Variants in DIAPH3 observed in about 807,000 individuals in gnomAD.
DIAPH3 encodes the protein diaphanous related formin 3.
DIAPH3 carries 117 observed loss-of-function variants against 144.3 expected under a neutral mutation model. The ratio of observed to expected loss-of-function variants is 0.81; its 90% confidence interval spans 0.70 to 0.95. The LOEUF (loss-of-function observed/expected upper bound fraction) is 0.95. Among genes scored for constraint, DIAPH3 ranks in the 40% least tolerant of loss-of-function variants. DIAPH3 has a pLI of 0.00. For synonymous variants in DIAPH3, 519 were observed against 488.9 expected, an observed-to-expected ratio of 1.06 and a Z score of -0.81; for missense variants, 1,421 against 1,412.7, an observed-to-expected ratio of 1.01 and a Z score of -0.09.
chr13:59,720,423 A>T (rs1566219855), intron 27 of DIAPH3, among the ~76,000 whole-genome samples: 5 of 152,150 alleles, frequency 3.3e-5, no homozygotes, highest in South Asian at 4.1e-4. Flanking sequence ...TTAAATGAAA[A>T]TTTTTTTATT....
At chr13:59,867,908 T>A (rs762696501) in intron 21 of DIAPH3, among the ~76,000 whole-genome samples, 2 of 152,030 alleles carry the variant, frequency 1.3e-5, no homozygotes, top group Admixed American at 1.3e-4. Flanking sequence ...ATGATTAGAA[T>A]ACAAATATAT....
intron 27 of DIAPH3, among the ~76,000 whole-genome samples, chr13:59,747,703 A>G (rs1227530785): frequency 6.6e-6 from 1 of 151,872 alleles, no homozygotes; most frequent in Non-Finnish European, 1.5e-5. Context: ...CTATAGAGGC[A>G]CTCTCTCCTC....
At chr13:59,764,686 G>A (rs1192808277) in intron 27 of DIAPH3, among the ~76,000 whole-genome samples, 1 of 150,672 alleles carries the variant, frequency 6.6e-6, no homozygotes, top group African/African-American at 2.5e-5. Flanking sequence ...ATGTGATGAT[G>A]GAGACATACA....
intron 15 of DIAPH3, among the ~76,000 whole-genome samples, chr13:59,972,243 C>G (rs755414330): frequency 8.8e-4 from 134 of 152,198 alleles, no homozygotes; most frequent in Non-Finnish European, 1.7e-3. Context: ...GAATCAAATG[C>G]CACAGAGAAG....
In DIAPH3 at chr13:60,042,541, A is replaced by G. The variant is rs959860028; in HGVS notation, c.626+149T>C. On this transcript the variant is annotated intron_variant, in intron 5 of 27. Coordinates refer to ENST00000400324, the MANE Select transcript of DIAPH3 (RefSeq NM_001042517.2). Reference sequence around the variant, plus strand: ...AATAAATGCAAAAGGTACTATTGAGACTATATTTCTTCCTGCATATAAATA... The same window carrying G: ...AATAAATGCAAAAGGTACTATTGAGGCTATATTTCTTCCTGCATATAAATA... 7 of 947,202 alleles carry G rather than the reference A, an allele frequency of 7.4e-6. No individual in the cohort carries two copies. The African/African-American group carries it at 9.9e-5, about 13-fold the overall frequency. The allele number at this position is 947,202 out of a possible 1,614,324, so 58.7% of individuals were successfully genotyped here.
chr13:60,144,039 A>G (rs952591719), intron 1 of DIAPH3, among the ~76,000 whole-genome samples: 2 of 152,024 alleles, frequency 1.3e-5, no homozygotes, highest in Non-Finnish European at 2.9e-5. Context: ...GTCACCGATA[A>G]TGGTTTGTCT....
At chr13:60,045,981 C>G (rs1042290488) in intron 4 of DIAPH3, among the ~76,000 whole-genome samples, 4 of 152,160 alleles carry the variant, frequency 2.6e-5, no homozygotes, top group Non-Finnish European at 5.9e-5. Context: ...CTGATAGTTG[C>G]TTAATATGTC....
intron 21 of DIAPH3, among the ~76,000 whole-genome samples, chr13:59,869,481 C>T (rs1458286462): frequency 1.3e-5 from 2 of 152,078 alleles, no homozygotes; most frequent in East Asian, 1.9e-4. Flanking sequence ...ACCCATATAC[C>T]GGATTGTGAA....
At chr13:59,769,818 T>C (rs1454764676) in intron 27 of DIAPH3, among the ~76,000 whole-genome samples, 1 of 152,068 alleles carries the variant, frequency 6.6e-6, no homozygotes, top group Admixed American at 6.6e-5. Flanking sequence ...TCAAACACCA[T>C]ACTATGATAT....
At chr13:59,735,814 T>A (rs1361017507) in intron 27 of DIAPH3, among the ~76,000 whole-genome samples, 2 of 152,168 alleles carry the variant, frequency 1.3e-5, no homozygotes, top group Non-Finnish European at 2.9e-5. Flanking sequence ...CAGGGGTACA[T>A]GTGCAGGATG....
At chr13:60,091,255 T>C (rs1255681825) in intron 4 of DIAPH3, among the ~76,000 whole-genome samples, 1 of 152,230 alleles carries the variant, frequency 6.6e-6, no homozygotes, top group East Asian at 1.9e-4. Context: ...TATATGTTTA[T>C]GTGTTTCTGT....
At chr13:59,937,821 C>T (rs1000716826) in intron 17 of DIAPH3, among the ~76,000 whole-genome samples, 2 of 151,404 alleles carry the variant, frequency 1.3e-5, no homozygotes, top group African/African-American at 2.4e-5. Context: ...GGGGAGGGGA[C>T]GGGAAGCAAA....
rs1566777789 is a variant in DIAPH3 at position 60,105,104 on chromosome 13, A to AAAAAAAAAC, written c.390+6905_390+6906insGTTTTTTTT. On this transcript the variant is annotated intron_variant, in intron 3 of 27. Transcript: ENST00000400324. ...GACAAAGTGAGACACGATCTCAAAAAAAAAAAAAAAAAAAAAAAAAACTGC... is the reference window on the plus strand; with the variant it reads ...GACAAAGTGAGACACGATCTCAAAAAAAAAAAAACAAAAAAAAAAAAAAAAAAAAACTGC... 1.3e-3 allele frequency among the ~76,000 whole-genome samples: 84 copies of AAAAAAAAAC among 66,358 alleles called. 3 individuals carry two copies. The highest frequency in any genetic ancestry group is 1.6e-3 in the Non-Finnish European group (54 of 33,172). The allele number at this position is 66,358 out of a possible 152,430, so 43.5% of individuals were successfully genotyped here. A position where few individuals can be genotyped will look rare whatever the true frequency, so the allele number is the denominator to read the frequency against.
At chr13:59,810,979 GAA>G in intron 24 of DIAPH3, 56 bp from the exon 25 acceptor site, 1 of 1,486,426 alleles carries the variant, frequency 6.7e-7, no homozygotes. Context: ...CCGCAAAATG[GAA>G]AGTTATCTAT....
intron 17 of DIAPH3, among the ~76,000 whole-genome samples, chr13:59,966,849 A>C (rs1181223884): frequency 3.9e-5 from 6 of 152,094 alleles, no homozygotes; most frequent in Non-Finnish European, 8.8e-5. Flanking sequence ...GCAATGAAAA[A>C]CAGAGATACA....
At chr13:59,783,033 T>C (rs1455114395) in intron 25 of DIAPH3, among the ~76,000 whole-genome samples, 1 of 152,134 alleles carries the variant, frequency 6.6e-6, no homozygotes, top group African/African-American at 2.4e-5. Context: ...ATGAAGTCAT[T>C]TTAAGCTAGG....
chr13:60,066,826 A>G (rs2056986278), intron 4 of DIAPH3, among the ~76,000 whole-genome samples: 1 of 152,224 alleles, frequency 6.6e-6, no homozygotes, highest in South Asian at 2.1e-4. Flanking sequence ...GCTTACATTC[A>G]TTTTAGATTG....
intron 5 of DIAPH3, among the ~76,000 whole-genome samples, chr13:60,040,226 CAAAAAAAAAAAAA>C (rs5803983): frequency 5.7e-5 from 2 of 34,834 alleles, no homozygotes; most frequent in Non-Finnish European, 4.6e-5. Context: ...GACTCCATCT[CAAAAAAAAAAAAA>C]AAAAAAAAAA....
At chr13:59,929,712 T>A (rs2047931608) in intron 17 of DIAPH3, among the ~76,000 whole-genome samples, 1 of 151,598 alleles carries the variant, frequency 6.6e-6, no homozygotes, top group Non-Finnish European at 1.5e-5. Context: ...TACAGGCTCA[T>A]GCCATTATGC....
Sources: gnomAD v4.1 joint callset for allele counts (sites outside exome capture counted in the v4.1 genomes callset) on GRCh38, gnomAD v4.1.1 for gene constraint, MANE v1.5 for transcripts, NCBI Gene and HGNC (gene_info 2026-07-23, HGNC 2026-07-21) for gene names.